The following OR2L13 variants were observed in gnomAD, a reference collection of about 807,000 sequenced individuals.
The protein encoded by OR2L13 is olfactory receptor family 2 subfamily L member 13.
In OR2L13, 14 loss-of-function variants were observed where a neutral mutation model predicts 15.3. The ratio of observed to expected loss-of-function variants is 0.91; its 90% CI spans 0.60 to 1.43. OR2L13 has a LOEUF of 1.43. Among genes scored for constraint, OR2L13 ranks in the 40% most tolerant of loss-of-function variants. OR2L13 has a pLI of 0.00. For synonymous variants in OR2L13, 152 were observed against 142.9 expected (o/e 1.06, Z -0.45); for missense variants, 367 against 387.9 (o/e 0.95, Z 0.45).
At chr1:248,073,679 A>T in the OR2L13 span, among the ~76,000 whole-genome samples, 1 of 151,562 alleles carries the variant, frequency 6.6e-6, no homozygotes, top group Admixed American at 6.6e-5. Context: ...TAAAAAAAAG[A>T]AGCATGGATG....
At chr1:247,965,940 G>A in the OR2L13 span, 2 of 1,609,290 alleles carry the variant, frequency 1.2e-6, no homozygotes, top group South Asian at 2.2e-5. Context: ...TATCATTGGT[G>A]TGTCAGGACA....
chr1:248,100,324 T>G, exon 3 of OR2L13: 90 of 1,455,316 alleles, frequency 6.2e-5, no homozygotes, highest in Non-Finnish European at 7.8e-5. Context: ...ATCATGGCCA[T>G]CCCCACTCCC....
the OR2L13 span, among the ~76,000 whole-genome samples, chr1:248,088,993 A>C: frequency 1.3e-5 from 2 of 152,024 alleles, no homozygotes; most frequent in Non-Finnish European, 2.9e-5. Context: ...CACTGACCGG[A>C]GTCTGGAGCA....
chr1:247,960,193 G>A, the OR2L13 span, among the ~76,000 whole-genome samples: 1 of 152,164 alleles, frequency 6.6e-6, no homozygotes, highest in African/African-American at 2.4e-5. Flanking sequence ...GTTGGAGTTT[G>A]CTGGAGGTCC....
At chr1:247,988,736 A>G in the OR2L13 span, among the ~76,000 whole-genome samples, 5,912 of 152,214 alleles carry the variant, frequency 0.039, 356 homozygotes, top group African/African-American at 0.13. Flanking sequence ...CTATCTGGAG[A>G]AGAATGCTCG....
chr1:248,042,384 T>G, the OR2L13 span: 1 of 147,080 alleles, frequency 6.8e-6, no homozygotes, highest in African/African-American at 2.5e-5. Flanking sequence ...AGGGATAGCA[T>G]TGGGAGATAT....
the OR2L13 span, chr1:248,004,169 A>T: frequency 1.0e-6 from 1 of 954,410 alleles, no homozygotes; most frequent in Admixed American, 3.1e-5. Context: ...AGGAGCAAAA[A>T]GTAATCAACA....
the OR2L13 span, among the ~76,000 whole-genome samples, chr1:248,083,027 A>C: frequency 2.6e-5 from 4 of 152,256 alleles, no homozygotes; most frequent in Non-Finnish European, 5.9e-5. Context: ...AAATTTAAAA[A>C]GGTTTGCCTT....
chr1:247,983,113 T>C, the OR2L13 span, among the ~76,000 whole-genome samples: 4 of 152,338 alleles, frequency 2.6e-5, no homozygotes, highest in East Asian at 7.7e-4. Context: ...TGCATATGTG[T>C]ATGTGTGTTT....
chr1:248,085,448 A>ATAAATAAAATAAAATAAAATAAAAAAAT, the OR2L13 span, among the ~76,000 whole-genome samples: 1 of 122,090 alleles, frequency 8.2e-6, no homozygotes, highest in East Asian at 2.5e-4. Context: ...ATAAAATAAA[A>ATAAATAAAATAAAATAAAATAAAAAAAT]AAATGTGTGC....
At chr1:248,043,410 T>C in the OR2L13 span, among the ~76,000 whole-genome samples, 1 of 152,152 alleles carries the variant, frequency 6.6e-6, no homozygotes, top group African/African-American at 2.4e-5. Flanking sequence ...CATGGGCCGA[T>C]ATGAAGGAGA....
the OR2L13 span, chr1:248,038,922 C>T: frequency 6.3e-5 from 102 of 1,613,942 alleles, no homozygotes; most frequent in South Asian, 2.4e-4. Context: ...TTCCTATGGC[C>T]GGGTTCTCCT....
upstream of OR2L13, among the ~76,000 whole-genome samples, chr1:248,094,019 T>C (rs1664661739): frequency 6.6e-6 from 1 of 152,148 alleles, no homozygotes; most frequent in Non-Finnish European, 1.5e-5. Context: ...AGGATGACTA[T>C]AGTTAACAAT....
chr1:247,945,494 G>A, the OR2L13 span, among the ~76,000 whole-genome samples: 10 of 152,116 alleles, frequency 6.6e-5, no homozygotes, highest in Admixed American at 2.0e-4. Context: ...TGGATGGAGA[G>A]TCCTGTAGAT....
chr1:248,080,635 T>C, the OR2L13 span, among the ~76,000 whole-genome samples: 1 of 152,190 alleles, frequency 6.6e-6, no homozygotes, highest in African/African-American at 2.4e-5. Flanking sequence ...GTATAGTCTT[T>C]GTGGTGTATA....
At chr1:247,938,492 T>A in the OR2L13 span, among the ~76,000 whole-genome samples, 1 of 152,320 alleles carries the variant, frequency 6.6e-6, no homozygotes. Context: ...TATAGAAGTT[T>A]AGAAGTCAGA....
chr1:248,037,707 G>A, the OR2L13 span, among the ~76,000 whole-genome samples: 1 of 152,112 alleles, frequency 6.6e-6, no homozygotes, highest in Non-Finnish European at 1.5e-5. Context: ...AAAACAATTG[G>A]CTTACTATTC....
the OR2L13 span, among the ~76,000 whole-genome samples, chr1:248,070,692 T>C: frequency 7.9e-5 from 12 of 151,934 alleles, no homozygotes; most frequent in Non-Finnish European, 1.8e-4. Context: ...CAGGAGCTGG[T>C]TTTTTGAAAG....
At chr1:248,098,255 T>G (rs1019819351) in intron 1 of OR2L13, among the ~76,000 whole-genome samples, 15 of 152,234 alleles carry the variant, frequency 9.9e-5, no homozygotes, top group Non-Finnish European at 2.2e-4. Context: ...CTAAAATCCT[T>G]TGTGTTTCAT....
Sources: allele counts gnomAD v4.1 joint callset (sites outside exome capture counted in the v4.1 genomes callset), GRCh38; gene constraint gnomAD v4.1.1; transcripts MANE v1.5; gene names NCBI Gene and HGNC (gene_info 2026-07-23, HGNC 2026-07-21).